The following TP73 variants were observed in gnomAD, a reference collection of about 807,000 sequenced individuals.
The protein encoded by TP73 is tumor protein p73.
TP73 carries 25 observed loss-of-function variants against 62.5 expected under a neutral mutation model. The observed-to-expected ratio is 0.40, with a 90% CI of 0.29 to 0.56. The LOEUF (loss-of-function observed/expected upper bound fraction) is 0.56, where lower values mean the gene tolerates loss of function less well. Ranked by LOEUF, TP73 falls within the 20% of genes least tolerant of loss-of-function variation. The probability of loss-of-function intolerance (pLI) is 0.46; values close to 1 mark genes in which losing one functional copy is unlikely to be tolerated. For synonymous variants in TP73, 423 were observed against 377.5 expected (o/e 1.12, Z -1.40); for missense variants, 754 against 913.3 (o/e 0.83, Z 2.25).
At chr1:3,721,828 A>C (rs1423475481) in intron 4 of TP73, among the ~76,000 whole-genome samples, 193 bp from the exon 5 acceptor site, 1 of 152,178 alleles carries the variant, frequency 6.6e-6, no homozygotes, top group East Asian at 1.9e-4. Flanking sequence ...GTGCCAGGGC[A>C]GCTGTGCCTG....
intron 2 of TP73, among the ~76,000 whole-genome samples, 154 bp downstream of exon 2, chr1:3,682,584 G>A (rs977579280): frequency 2.0e-5 from 3 of 152,170 alleles, no homozygotes; most frequent in African/African-American, 7.2e-5. Context: ...GAGACTTTGG[G>A]CTAAACTTGG....
chr1:3,729,385 T>C lies in TP73; in HGVS notation c.1133T>C (p.Met378Thr), dbSNP rs758844370. 2 of 1,613,158 alleles carry C rather than the reference T, an allele frequency of 1.2e-6. No homozygotes were observed. The highest frequency in any genetic ancestry group is 1.7e-6 in the Non-Finnish European group (2 of 1,179,988). Residue 378 changes from methionine (M) to threonine (T), a missense_variant, in exon 10 of 14, where the codon ATG becomes ACG. Physicochemically the swap from Met to Thr is moderately conservative, Grantham distance 81 (BLOSUM62 -1). Around this residue, in one of 3 missense-constraint regions of TP73, gnomAD observed 458 missense variants for 528.7 expected, o/e 0.87. Transcript: ENST00000378295. ...AAGCTGAAAGAGAGCCTGGAGCTGATGGAGTTGGTGCCGCAGCCACTGGTG... is the reference window on the plus strand; with the variant it reads ...AAGCTGAAAGAGAGCCTGGAGCTGACGGAGTTGGTGCCGCAGCCACTGGTG... ...LMKLKESLEL[M>T]ELVPQPLVDS...
rs369342367 is a variant in TP73 at position 3,730,995 on chromosome 1, G to A, written c.1414G>A (p.Ala472Thr). The change falls in exon 12 of 14, where the codon GCC becomes ACC. Residue 472 changes from alanine to threonine, a missense_variant. By Grantham distance (58) the Ala-to-Thr change is moderately conservative (BLOSUM62 0). Coordinates refer to ENST00000378295, the MANE Select transcript of TP73 (RefSeq NM_005427.4). ...CGGCGAGATGAGCAGCAGCCACAGC[G>A]CCCAGTCCATGGTCTCGGGGTCCCA... ...ANGEMSSSHSAQSMVSGSHCT... is the reference protein window; with the variant it reads ...ANGEMSSSHSTQSMVSGSHCT... 138 of 1,612,232 alleles carry A rather than the reference G, an allele frequency of 8.6e-5. 1 individual carries two copies. The highest frequency in any genetic ancestry group is 1.8e-4 in the South Asian group (16 of 91,046).
At chr1:3,714,596 G>A (rs1056745504) in intron 4 of TP73, among the ~76,000 whole-genome samples, 6 of 152,378 alleles carry the variant, frequency 3.9e-5, no homozygotes, top group African/African-American at 1.4e-4. Flanking sequence ...CCGCTAGCTA[G>A]GTCCTTGCCA....
chr1:3,721,267 A>T (rs1641047437), intron 4 of TP73, among the ~76,000 whole-genome samples: 1 of 152,248 alleles, frequency 6.6e-6, no homozygotes, highest in African/African-American at 2.4e-5. Flanking sequence ...GGTGTCATCC[A>T]GTCCTCCTGC....
rs1054803627 is a variant in TP73 at position 3,663,604 on chromosome 1, T to A, written c.-34+10963T>A. On this transcript the variant is annotated intron_variant, in intron 1 of 13. Coordinates refer to ENST00000378295, the MANE Select transcript of TP73 (RefSeq NM_005427.4). This position sits in a 1 kb window ranked among gnomAD's most constrained non-coding sequence, Gnocchi z 4.7. The stretch of plus-strand genomic sequence containing the variant: ...GGTGGCGGGCGCCTGTAGTCCCAGC[T>A]ACTCGGGAGGCTGAGGCAGGAGAAT... 6.6e-6 allele frequency among the ~76,000 whole-genome samples: 1 copy of A among 151,132 alleles called. No homozygotes were observed. The highest frequency in any genetic ancestry group is 2.4e-5 in the African/African-American group (1 of 41,074).
chr1:3,694,917 C>T (rs12239528), intron 3 of TP73, among the ~76,000 whole-genome samples: 1,820 of 92,570 alleles, frequency 0.02, 1 homozygote, highest in African/African-American at 0.065. Flanking sequence ...CCCCTCCTCC[C>T]GCAATCCCAG....
chr1:3,676,465 C>T (rs1645372246), intron 1 of TP73, among the ~76,000 whole-genome samples: 1 of 122,610 alleles, frequency 8.2e-6, no homozygotes, highest in Non-Finnish European at 1.7e-5. Flanking sequence ...GGAGGGGATG[C>T]TTGGGGACAG....
At chr1:3,691,056 G>C in intron 3 of TP73, 1 of 1,464,688 alleles carries the variant, frequency 6.8e-7, no homozygotes, top group Admixed American at 2.0e-5. Flanking sequence ...CCTGGAGTCT[G>C]CTGCCAGTTG....
chr1:3,687,870 C>T (rs1415699307), intron 3 of TP73, among the ~76,000 whole-genome samples: 2 of 152,164 alleles, frequency 1.3e-5, no homozygotes, highest in Non-Finnish European at 2.9e-5. Flanking sequence ...ACCCTGGGAG[C>T]CCCGGGAACC....
chr1:3,666,875 CA>C lies in TP73; in HGVS notation c.-34+14242del, dbSNP rs562608385. On this transcript the variant is annotated intron_variant, in intron 1 of 13. Coordinates refer to ENST00000378295, the MANE Select transcript of TP73 (RefSeq NM_005427.4). The surrounding 1 kb of genome is among the most constrained non-coding windows in gnomAD (Gnocchi z 6.4). ...TTCAATGAGGGACATTTATGGTTGG[CA>C]AAAAAAAGTGGCTCCCCAAAGGTCT... Among the ~76,000 whole-genome samples, 253 of 151,826 alleles carry C rather than the reference CA, an allele frequency of 1.7e-3. No homozygotes were observed. Among genetic ancestry groups the C allele is most frequent in the Middle Eastern group, 0.014 (4 of 294 alleles).
At chr1:3,680,160 G>C (rs940653571) in intron 1 of TP73, among the ~76,000 whole-genome samples, 1 of 152,206 alleles carries the variant, frequency 6.6e-6, no homozygotes, top group African/African-American at 2.4e-5. Flanking sequence ...CAGCTCACAG[G>C]CTGACAGATG....
At chr1:3,657,066 A>G (rs1644881042) in intron 1 of TP73, among the ~76,000 whole-genome samples, 1 of 152,224 alleles carries the variant, frequency 6.6e-6, no homozygotes, top group Non-Finnish European at 1.5e-5. Flanking sequence ...CGCACATATG[A>G]TCACCTCCCA....
In TP73 at chr1:3,670,532, C is replaced by T. The variant is rs191057634; in HGVS notation, c.-33-11801C>T. The stretch of plus-strand genomic sequence containing the variant: ...TACAAAAATTAGCTGGGCGTGGTGG[C>T]GCACACAGCTGTAATCCCAGCTACT... On this transcript the variant is annotated intron_variant, in intron 1 of 13. Coordinates refer to ENST00000378295, the MANE Select transcript of TP73 (RefSeq NM_005427.4). The surrounding 1 kb of genome is among the most constrained non-coding windows in gnomAD (Gnocchi z 5.9). Among the ~76,000 whole-genome samples the T allele has an allele frequency of 5.3e-5, 8 of 152,054 alleles. No homozygotes were observed. Among genetic ancestry groups the T allele is most frequent in the Non-Finnish European group, 1.0e-4 (7 of 67,966 alleles).
intron 4 of TP73, among the ~76,000 whole-genome samples, chr1:3,718,834 A>C (rs1640829965): frequency 6.6e-6 from 1 of 152,136 alleles, no homozygotes. Flanking sequence ...TCAGCCCCGG[A>C]AAGGGAACTG....
intron 6 of TP73, among the ~76,000 whole-genome samples, chr1:3,726,032 T>G (rs1160479394): frequency 2.1e-4 from 4 of 19,136 alleles, no homozygotes; most frequent in East Asian, 2.0e-3. Context: ...GGGGTGGATG[T>G]GTGGGTGGAT....
At chr1:3,692,889 T>A (rs941366107) in intron 3 of TP73, among the ~76,000 whole-genome samples, 1 of 152,260 alleles carries the variant, frequency 6.6e-6, no homozygotes, top group Admixed American at 6.5e-5. Flanking sequence ...CCTCACTGCC[T>A]GCAGGAGCTG....
At chr1:3,687,207 G>A (rs1645680634) in intron 3 of TP73, among the ~76,000 whole-genome samples, 2 of 152,300 alleles carry the variant, frequency 1.3e-5, no homozygotes, top group Admixed American at 1.3e-4. Flanking sequence ...GAAGCCTGTG[G>A]CCCGGGCCTC....
chr1:3,715,379 C>T (rs979556171), intron 4 of TP73, among the ~76,000 whole-genome samples: 2 of 152,108 alleles, frequency 1.3e-5, no homozygotes, highest in Non-Finnish European at 1.5e-5. Flanking sequence ...GTGCTTAAGG[C>T]GGGTCTCTGC....
Sources: gnomAD v4.1 joint callset for allele counts (sites outside exome capture counted in the v4.1 genomes callset) on GRCh38, gnomAD v4.1.1 for gene constraint, gnomAD v4.1.1 regional missense constraint, Gnocchi (gnomAD v3.1) non-coding constraint, MANE v1.5 for transcripts, NCBI Gene and HGNC (gene_info 2026-07-23, HGNC 2026-07-21) for gene names.